The following DYNC1H1 variants were observed in gnomAD, a reference collection of about 807,000 sequenced individuals.
DYNC1H1 encodes dynein cytoplasmic 1 heavy chain 1.
In DYNC1H1, 51 loss-of-function variants were observed where a neutral mutation model predicts 527.1. That is an observed-to-expected ratio of 0.10 (90% CI 0.08 to 0.12). DYNC1H1 has a LOEUF of 0.12. DYNC1H1 is among the 10% of genes least tolerant of loss of function. The pLI is 1.00. For missense variants in DYNC1H1, 2,771 were observed against 5,971.8 expected (o/e 0.46, Z 17.66); for synonymous variants, 2,189 against 2,278.8 (o/e 0.96, Z 1.12).
chr14:102,024,073 G>A (rs991363537), intron 43 of DYNC1H1, among the ~76,000 whole-genome samples: 4 of 152,184 alleles, frequency 2.6e-5, no homozygotes, highest in Non-Finnish European at 4.4e-5. Context: ...TCTGTGTGAG[G>A]GTCGAGCCAT....
chr14:102,035,684 C>G (rs2048566012), intron 56 of DYNC1H1: 1 of 152,256 alleles, frequency 6.6e-6, no homozygotes, highest in Non-Finnish European at 1.5e-5. Flanking sequence ...CGAATACAGG[C>G]TGGACAGGTG....
At chr14:102,019,808 C>T in intron 41 of DYNC1H1, 85 bp from the exon 42 acceptor site, 1 of 1,544,462 alleles carries the variant, frequency 6.5e-7, no homozygotes, top group East Asian at 2.3e-5. Context: ...TTAATGTAAA[C>T]ATGTTTTGCC....
In DYNC1H1 at chr14:102,033,767, C is replaced by A; in HGVS notation, c.10414-209C>A. The A allele has an allele frequency of 2.9e-6, 2 of 693,944 alleles. No homozygotes were observed. The highest frequency in any genetic ancestry group is 4.9e-6 in the Non-Finnish European group (2 of 407,746). 43.0% of individuals were successfully genotyped at this position (693,944 alleles called of 1,614,324 possible). Reference sequence around the variant, plus strand: ...GCTGCCTGAGGGCCTCGCTCCGTACCCAGCTTCTGCCCCGCTGAGATTCTG... The same window carrying A: ...GCTGCCTGAGGGCCTCGCTCCGTACACAGCTTCTGCCCCGCTGAGATTCTG... On this transcript the variant is annotated intron_variant, in intron 54 of 77. Transcript: ENST00000360184. This position sits in a 1 kb window ranked among gnomAD's most constrained non-coding sequence, Gnocchi z 5.6.
Position 102,020,207 on chromosome 14 carries a change from C to T in DYNC1H1, c.8507+151C>T. The T allele has an allele frequency of 9.4e-7, 1 of 1,066,840 alleles. No homozygotes were observed. The highest frequency in any genetic ancestry group is 2.6e-5 in the East Asian group (1 of 38,478). 66.1% of individuals were successfully genotyped at this position (1,066,840 alleles called of 1,614,324 possible). A position where few individuals can be genotyped will look rare whatever the true frequency, so the allele number is the denominator to read the frequency against. On this transcript the variant is annotated intron_variant, in intron 42 of 77. Coordinates refer to ENST00000360184, the MANE Select transcript of DYNC1H1 (RefSeq NM_001376.5). The surrounding 1 kb of genome is among the most constrained non-coding windows in gnomAD (Gnocchi z 4.3). ...GGAGCAGAGTCAGCCAGGGCAGCCT[C>T]CCGTCTGGACACTGGTCACAGTTGC...
At position 102,039,125 on chromosome 14, in the gene DYNC1H1, T is replaced by C. The variant is rs776411460; in HGVS notation, c.11331T>C (p.Ala3777=). The change falls in exon 60 of 78, where the codon GCT becomes GCC. Residue 3777 remains alanine, a synonymous_variant. Coordinates refer to ENST00000360184, the MANE Select transcript of DYNC1H1 (RefSeq NM_001376.5). The surrounding 1 kb of genome is among the most constrained non-coding windows in gnomAD (Gnocchi z 7.0). Reference sequence around the variant, plus strand: ...CTCTGGAGAACCTGAAGAGAGAGGCTGCAGAGGTCACCAGGAAAGTTGAGG... The same window carrying C: ...CTCTGGAGAACCTGAAGAGAGAGGCCGCAGAGGTCACCAGGAAAGTTGAGG... ...ITTLENLKRE[A]AEVTRKVEET... 16 of 1,614,112 alleles carry C rather than the reference T, an allele frequency of 9.9e-6. No individual in the cohort carries two copies. Among genetic ancestry groups the C allele is most frequent in the African/African-American group, 1.3e-5 (1 of 74,946 alleles).
rs548271329 is a variant in DYNC1H1 at position 102,000,282 on chromosome 14, G to T, written c.3961-4G>T. The T allele has an allele frequency of 1.9e-6, 3 of 1,613,978 alleles. No homozygotes were observed. Among genetic ancestry groups the T allele is most frequent in the African/African-American group, 1.3e-5 (1 of 74,888 alleles). On this transcript the variant is annotated splice_region_variant and splice_polypyrimidine_tract_variant and intron_variant, in intron 17 of 77. Transcript: ENST00000360184. ...GTCAACTGCTTTACTATTCTCAATC[G>T]CAGGTGGCCTTAGAAGAATTACAGG...
rs768800353 is a variant in DYNC1H1, at chr14:102,039,523, A to G, written c.11572A>G (p.Ile3858Val). ...CACCGACCACACACAGCGCCTGTCCATTATAACAAAGGACCTCTTCCAGGT... is the reference window on the plus strand; with the variant it reads ...CACCGACCACACACAGCGCCTGTCCGTTATAACAAAGGACCTCTTCCAGGT... ...GVTDHTQRLS[I>V]ITKDLFQVAF... The change falls in exon 61 of 78, where the codon ATT becomes GTT. Residue 3858 changes from isoleucine to valine, a missense_variant. This residue lies in a region of DYNC1H1 where 283 missense variants were observed against 737.6 expected (regional missense o/e 0.38). Transcript: ENST00000360184. The surrounding 1 kb of genome is among the most constrained non-coding windows in gnomAD (Gnocchi z 7.0). 9 of 1,614,216 alleles carry G rather than the reference A, an allele frequency of 5.6e-6. No individual in the cohort carries two copies. The highest frequency in any genetic ancestry group is 2.2e-5 in the East Asian group (1 of 44,888).
chr14:102,047,310 A>G (rs556881456), intron 72 of DYNC1H1, among the ~76,000 whole-genome samples: 1 of 152,258 alleles, frequency 6.6e-6, no homozygotes, highest in East Asian at 1.9e-4. Flanking sequence ...AGGCGAGCAG[A>G]TCACCTGAGG....
At position 102,011,967 on chromosome 14, in the gene DYNC1H1, G is replaced by A. The variant is rs886050369; in HGVS notation, c.6711G>A (p.Leu2237=). Residue 2237 remains leucine (L), a synonymous_variant, in exon 33 of 78, where the codon CTG becomes CTA. Transcript: ENST00000360184. This position sits in a 1 kb window ranked among gnomAD's most constrained non-coding sequence, Gnocchi z 5.3. ...GSGKSMAWRV[L]LKALERLEGV... is the part of the protein sequence containing the mutation. The stretch of plus-strand genomic sequence containing the variant: ...GGAAGAGCATGGCCTGGCGTGTCCT[G>A]CTGAAGGCATTGGAGAGACTCGAGG... 1 of 1,614,100 alleles carries A rather than the reference G, an allele frequency of 6.2e-7. No individual in the cohort carries two copies. Among genetic ancestry groups the A allele is most frequent in the Middle Eastern group, 1.6e-4 (1 of 6,062 alleles).
intron 1 of DYNC1H1, among the ~76,000 whole-genome samples, chr14:101,969,863 G>A (rs898745362): frequency 6.6e-6 from 1 of 152,150 alleles, no homozygotes; most frequent in Non-Finnish European, 1.5e-5. Flanking sequence ...TGTCAGCATC[G>A]GAGCATGTCA....
rs2048794053 is a variant in DYNC1H1 at position 102,050,485 on chromosome 14, C to T, written c.13863C>T (p.Thr4621=). Reference sequence around the variant, plus strand: ...TCACCCGTGCAGACCTCATCTTCACCGTGGACTTCGAAATTGCTACAAAGG... The same window carrying T: ...TCACCCGTGCAGACCTCATCTTCACTGTGGACTTCGAAATTGCTACAAAGG... ...LNFTRADLIF[T]VDFEIATKED... is the part of the protein sequence containing the mutation. The change falls in exon 78 of 78, where the codon ACC becomes ACT. Residue 4621 remains threonine, a synonymous_variant. Transcript: ENST00000360184. 6 of 1,614,200 alleles carry T rather than the reference C, an allele frequency of 3.7e-6. No homozygotes were observed. Among genetic ancestry groups the T allele is most frequent in the Non-Finnish European group, 5.1e-6 (6 of 1,180,048 alleles).
chr14:101,964,809 C>T lies in DYNC1H1; in HGVS notation c.118C>T (p.Leu40=), dbSNP rs751157210. 8 of 1,604,472 alleles carry T rather than the reference C, an allele frequency of 5.0e-6. No individual in the cohort carries two copies. Among genetic ancestry groups the T allele is most frequent in the Non-Finnish European group, 6.8e-6 (8 of 1,176,860 alleles). The change falls in exon 1 of 78, where the codon CTG becomes TTG. Residue 40 remains leucine (L), a synonymous_variant. Coordinates refer to ENST00000360184, the MANE Select transcript of DYNC1H1 (RefSeq NM_001376.5). This position sits in a 1 kb window ranked among gnomAD's most constrained non-coding sequence, Gnocchi z 5.5. ...GAAGCACCTGCGCAAGCTGGTGCCG[C>T]TGCTGCTGGAGGACGGCGGCGAGGC... The part of the protein sequence containing the change: ...LQKHLRKLVP[L]LLEDGGEAPA...
chr14:102,026,416 A>G (rs2048451774), intron 43 of DYNC1H1, among the ~76,000 whole-genome samples, 158 bp from the exon 44 acceptor site: 2 of 152,162 alleles, frequency 1.3e-5, no homozygotes, highest in African/African-American at 4.8e-5. Flanking sequence ...TTTTAGATCC[A>G]TTCCTAGTGA....
intron 15 of DYNC1H1, among the ~76,000 whole-genome samples, chr14:101,996,311 G>A (rs2048061792): frequency 6.6e-6 from 1 of 150,982 alleles, no homozygotes; most frequent in Admixed American, 6.6e-5. Context: ...TGTATTTTTA[G>A]CAGAGACGGG....
intron 51 of DYNC1H1, chr14:102,030,485 A>G: frequency 1.5e-6 from 1 of 684,918 alleles, no homozygotes; most frequent in Non-Finnish European, 2.4e-6. Context: ...ACAAAGCTAG[A>G]TTGTATTTAC....
At chr14:101,968,121 C>T (rs755994102) in intron 1 of DYNC1H1, among the ~76,000 whole-genome samples, 8 of 152,052 alleles carry the variant, frequency 5.3e-5, no homozygotes, top group South Asian at 2.1e-4. Context: ...TGTGTATCTC[C>T]GTTCGGTGGG....
At position 102,048,640 on chromosome 14, in the gene DYNC1H1, T is replaced by C; in HGVS notation, c.13343T>C (p.Leu4448Ser). 1 of 1,613,540 alleles carries C rather than the reference T, an allele frequency of 6.2e-7. No homozygotes were observed. The highest frequency in any genetic ancestry group is 8.5e-7 in the Non-Finnish European group (1 of 1,179,982). The change falls in exon 74 of 78, where the codon TTG (leucine) becomes TCG (serine). Residue 4448 changes from leucine (L) to serine (S), a missense_variant. This residue lies in a region of DYNC1H1 where 170 missense variants were observed against 249.8 expected (regional missense o/e 0.68). Coordinates refer to ENST00000360184, the MANE Select transcript of DYNC1H1 (RefSeq NM_001376.5). ...CEGKKKQTNY[L>S]RTLINELVKG... The stretch of plus-strand genomic sequence containing the variant: ...GGAAAGAAGAAGCAGACCAACTACT[T>C]GCGCACGCTGATCAACGAGCTAGTG...
At position 101,987,711 on chromosome 14, in the gene DYNC1H1, A is replaced by G. The variant is rs1332936105; in HGVS notation, c.2718+79A>G. ...AGTAAGCTTATTAGTTTGTCACTAA[A>G]AAGCATTTTTCCTTGGAAATTATCT... On this transcript the variant is annotated intron_variant, in intron 9 of 77. Coordinates refer to ENST00000360184, the MANE Select transcript of DYNC1H1 (RefSeq NM_001376.5). 3.9e-6 allele frequency: 6 copies of G among 1,522,372 alleles called. No homozygotes were observed. The African/African-American group carries it at 6.9e-5, about 17-fold the overall frequency. The allele number at this position is 1,522,372 out of a possible 1,614,324, so 94.3% of individuals were successfully genotyped here.
At chr14:101,996,135 CTT>C (rs537429528) in intron 15 of DYNC1H1, among the ~76,000 whole-genome samples, 3 of 142,536 alleles carry the variant, frequency 2.1e-5, no homozygotes, top group Non-Finnish European at 1.5e-5. Context: ...CTTTTCTTTT[CTT>C]TTTTTTTTTT....
Sources: gnomAD v4.1 joint callset for allele counts (sites outside exome capture counted in the v4.1 genomes callset) on GRCh38, gnomAD v4.1.1 for gene constraint, gnomAD v4.1.1 regional missense constraint, Gnocchi (gnomAD v3.1) non-coding constraint, MANE v1.5 for transcripts, NCBI Gene and HGNC (gene_info 2026-07-23, HGNC 2026-07-21) for gene names.